The following BCAP29 variants were observed in gnomAD, a reference collection of about 807,000 sequenced individuals.
The protein encoded by BCAP29 is B cell receptor associated protein 29, also known as B-cell receptor-associated protein 29.
A neutral mutation model predicts 31.8 loss-of-function variants in BCAP29; 34 were observed. The observed-to-expected ratio is 1.07, with a 90% CI of 0.81 to 1.42. The LOEUF (loss-of-function observed/expected upper bound fraction) is 1.42. Among genes scored for constraint, BCAP29 ranks in the 40% most tolerant of loss-of-function variants. The probability of loss-of-function intolerance (pLI) is 0.00; values close to 1 mark genes in which losing one functional copy is unlikely to be tolerated. For missense variants in BCAP29, 314 were observed against 269.2 expected, an observed-to-expected ratio of 1.17 and a Z score of -1.16; for synonymous variants, 104 against 91.3, an observed-to-expected ratio of 1.14 and a Z score of -0.79.
intron 6 of BCAP29, among the ~76,000 whole-genome samples, chr7:107,612,334 T>C (rs1813261656): frequency 6.8e-6 from 1 of 147,262 alleles, no homozygotes; most frequent in Non-Finnish European, 1.5e-5. Flanking sequence ...TCTACCCCAT[T>C]TTGTACAGCT....
At chr7:107,613,721 G>T in intron 7 of BCAP29, 1 of 1,612,594 alleles carries the variant, frequency 6.2e-7, no homozygotes, top group South Asian at 1.1e-5. Flanking sequence ...AAACAGACTG[G>T]TTCTAGAAAA....
chr7:107,615,777 A>G (rs2129292965), intron 7 of BCAP29: 1 of 174,706 alleles, frequency 5.7e-6, no homozygotes, highest in East Asian at 1.4e-4. Flanking sequence ...GAAATATTTA[A>G]TAGATGTCAT....
rs1806509244 is a variant in BCAP29, at chr7:107,580,865, G to T, written c.92+1G>T. On this transcript the variant is annotated splice_donor_variant, in intron 2 of 7. Transcript: ENST00000005259. LOFTEE classifies it high-confidence loss of function. Reference sequence around the variant, plus strand: ...GCCTACCTTTTATTCCTCCTCAGAGGTAGGAAACCTTCAAATCGTTAACTA... The same window carrying T: ...GCCTACCTTTTATTCCTCCTCAGAGTTAGGAAACCTTCAAATCGTTAACTA... 11 of 1,577,362 alleles carry T rather than the reference G, an allele frequency of 7.0e-6. No homozygotes were observed. Among genetic ancestry groups the T allele is most frequent in the Non-Finnish European group, 7.7e-6 (9 of 1,164,414 alleles).
chr7:107,612,311 C>T (rs1049400581), intron 6 of BCAP29, among the ~76,000 whole-genome samples: 4 of 148,372 alleles, frequency 2.7e-5, no homozygotes, highest in African/African-American at 1.0e-4. Flanking sequence ...TCAAGTATGA[C>T]AACTCTAATT....
In BCAP29 at chr7:107,595,982, G is replaced by A. The variant is rs149083912; in HGVS notation, c.460G>A (p.Glu154Lys). ...TNKAAKKFME[E>K]NEKLKRILKS... ...CAAGGCTGCCAAAAAATTTATGGAAGAAAACGAAAAACTAAAAAGGGTATT... is the reference window on the plus strand; with the variant it reads ...CAAGGCTGCCAAAAAATTTATGGAAAAAAACGAAAAACTAAAAAGGGTATT... Residue 154 changes from glutamate (E) to lysine (K), a missense_variant, in exon 5 of 8, where the codon GAA becomes AAA. Glu to Lys is a moderately conservative substitution (Grantham distance 56). Transcript: ENST00000005259. The A allele has an allele frequency of 8.9e-6, 14 of 1,571,860 alleles. No homozygotes were observed. Among genetic ancestry groups the A allele is most frequent in the South Asian group, 1.2e-5 (1 of 82,936 alleles).
chr7:107,582,503 G>A (rs796891067), intron 2 of BCAP29, among the ~76,000 whole-genome samples: 13 of 152,192 alleles, frequency 8.5e-5, no homozygotes, highest in African/African-American at 3.1e-4. Context: ...TAACCCAGTG[G>A]TTAAAGGCAC....
chr7:107,607,635 C>CTTTTTTTTTT (rs57817003), intron 6 of BCAP29, among the ~76,000 whole-genome samples: 5 of 132,600 alleles, frequency 3.8e-5, no homozygotes, highest in Admixed American at 7.6e-5. Context: ...CTTTCTTTTT[C>CTTTTTTTTTT]TTTTTTTTTT....
Position 107,595,956 on chromosome 7 carries a change from A to C in BCAP29, c.434A>C (p.Asn145Thr). 1.9e-6 allele frequency: 3 copies of C among 1,585,468 alleles called. No individual in the cohort carries two copies. Among genetic ancestry groups the C allele is most frequent in the Non-Finnish European group, 8.5e-7 (1 of 1,171,934 alleles). The change falls in exon 5 of 8, where the codon AAC becomes ACC. Residue 145 changes from asparagine (N) to threonine (T), a missense_variant. Asn to Thr is a moderately conservative substitution (Grantham distance 65). Coordinates refer to ENST00000005259, the MANE Select transcript of BCAP29 (RefSeq NM_018844.4). ...GVLKTQAENT[N>T]KAAKKFMEEN... ...CTTAAAACTCAAGCAGAAAATACTA[A>C]CAAGGCTGCCAAAAAATTTATGGAA... is the stretch of plus-strand genomic sequence containing the variant.
chr7:107,613,806 C>G lies in BCAP29; in HGVS notation c.690+374C>G, dbSNP rs560814358. The G allele has an allele frequency of 5.8e-5, 62 of 1,070,900 alleles. No individual in the cohort carries two copies. The Middle Eastern group carries it at 1.2e-3, about 21-fold the overall frequency. 66.3% of individuals were successfully genotyped at this position (1,070,900 alleles called of 1,614,324 possible). A position where few individuals can be genotyped will look rare whatever the true frequency, so the allele number is the denominator to read the frequency against. ...CCAAAATTTCAAGTTCCACATCACACTACTCTTGTCTCAGTGTTTTAGACA... is the reference window on the plus strand; with the variant it reads ...CCAAAATTTCAAGTTCCACATCACAGTACTCTTGTCTCAGTGTTTTAGACA... On this transcript the variant is annotated intron_variant, in intron 7 of 7. Transcript: ENST00000005259.
Position 107,583,809 on chromosome 7 carries a change from T to C in BCAP29, c.93-73T>C, listed in dbSNP as rs552753776. 350 of 642,724 alleles carry C rather than the reference T, an allele frequency of 5.4e-4. 2 individuals carry two copies. The African/African-American group carries it at 5.9e-3, about 11-fold the overall frequency. The allele number at this position is 642,724 out of a possible 1,614,324, so 39.8% of individuals were successfully genotyped here. A position where few individuals can be genotyped will look rare whatever the true frequency, so the allele number is the denominator to read the frequency against. ...TGCTACACAATTACTAAAATGTTAC[T>C]TCAGTATTTAAAAAGTATTTCAAAA... On this transcript the variant is annotated intron_variant, in intron 2 of 7. Transcript: ENST00000005259.
At chr7:107,607,698 G>T (rs1248418052) in intron 6 of BCAP29, among the ~76,000 whole-genome samples, 4 of 146,196 alleles carry the variant, frequency 2.7e-5, no homozygotes, top group African/African-American at 1.0e-4. Context: ...GTGCAGTGGC[G>T]CAATCTTGGC....
At chr7:107,606,347 A>T (rs373134100) in intron 6 of BCAP29, among the ~76,000 whole-genome samples, 5 of 152,234 alleles carry the variant, frequency 3.3e-5, no homozygotes, top group African/African-American at 4.8e-5. Context: ...AAAACTGACT[A>T]TCAAGAATTA....
At chr7:107,595,767 A>G in intron 4 of BCAP29, 100 bp from the exon 5 acceptor site, 1 of 1,301,594 alleles carries the variant, frequency 7.7e-7, no homozygotes, top group South Asian at 1.4e-5. Flanking sequence ...ATCTGCCACC[A>G]CCACACCTAT....
At chr7:107,606,976 C>T (rs1420355635) in intron 6 of BCAP29, among the ~76,000 whole-genome samples, 5 of 152,256 alleles carry the variant, frequency 3.3e-5, no homozygotes, top group African/African-American at 1.2e-4. Context: ...AGAGCAGTCT[C>T]CTGAGGCCCT....
intron 5 of BCAP29, among the ~76,000 whole-genome samples, chr7:107,598,981 A>ATT (rs1330612376): frequency 1.8e-5 from 2 of 112,554 alleles, no homozygotes; most frequent in Non-Finnish European, 3.5e-5. Flanking sequence ...ATATATCTAT[A>ATT]AATTTATATA....
In BCAP29 at chr7:107,595,956, A is replaced by G. The variant is rs1563131673; in HGVS notation, c.434A>G (p.Asn145Ser). The change falls in exon 5 of 8, where the codon AAC becomes AGC. Residue 145 changes from asparagine to serine, a missense_variant. Asn to Ser is a conservative substitution (Grantham distance 46). Transcript: ENST00000005259. Reference sequence around the variant, plus strand: ...CTTAAAACTCAAGCAGAAAATACTAACAAGGCTGCCAAAAAATTTATGGAA... The same window carrying G: ...CTTAAAACTCAAGCAGAAAATACTAGCAAGGCTGCCAAAAAATTTATGGAA... The part of the protein sequence containing the change: ...GVLKTQAENT[N>S]KAAKKFMEEN... 6.3e-7 allele frequency: 1 copy of G among 1,585,468 alleles called. No individual in the cohort carries two copies. The highest frequency in any genetic ancestry group is 1.2e-5 in the South Asian group (1 of 85,234).
intron 6 of BCAP29, among the ~76,000 whole-genome samples, chr7:107,612,202 A>G (rs1209578023): frequency 1.3e-5 from 2 of 151,520 alleles, no homozygotes; most frequent in African/African-American, 4.8e-5. Context: ...AATACTTCCA[A>G]ATGTAGAACT....
Position 107,611,069 on chromosome 7 carries a change from A to G in BCAP29, c.590-2263A>G, listed in dbSNP as rs1266531646. On this transcript the variant is annotated intron_variant, in intron 6 of 7. Transcript: ENST00000005259. ...GATTCGTAGATGGTACCATCTTGCTATGTTCTCACATAATGGAAAGGGAAA... is the reference window on the plus strand; with the variant it reads ...GATTCGTAGATGGTACCATCTTGCTGTGTTCTCACATAATGGAAAGGGAAA... Among the ~76,000 whole-genome samples the G allele has an allele frequency of 3.9e-5, 6 of 152,210 alleles. No homozygotes were observed. In the South Asian group the frequency reaches 8.3e-4, roughly 21 times the overall value.
chr7:107,596,092 A>G (rs1809769690), intron 5 of BCAP29, 90 bp downstream of exon 5: 3 of 1,150,884 alleles, frequency 2.6e-6, no homozygotes, highest in Admixed American at 3.0e-5. Context: ...GCATTTTTAT[A>G]TTTTATAAGC....
Sources: gnomAD v4.1 joint callset for allele counts (sites outside exome capture counted in the v4.1 genomes callset) on GRCh38, gnomAD v4.1.1 for gene constraint, MANE v1.5 for transcripts, NCBI Gene and HGNC (gene_info 2026-07-23, HGNC 2026-07-21) for gene names.